The following ATL1 variants were observed in gnomAD, a reference collection of about 807,000 sequenced individuals.
The protein encoded by ATL1 is atlastin-1.
Under a neutral mutation model 75.5 loss-of-function variants are expected in ATL1, and 31 were observed. That is an observed-to-expected ratio of 0.41 (90% CI 0.31 to 0.55). The LOEUF (loss-of-function observed/expected upper bound fraction) is 0.55. Ranked by LOEUF, ATL1 falls within the 20% of genes least tolerant of loss-of-function variation. The pLI is 0.27. For missense variants in ATL1, 405 were observed against 662.6 expected, an observed-to-expected ratio of 0.61 and a Z score of 4.27; for synonymous variants, 226 against 233.3, an observed-to-expected ratio of 0.97 and a Z score of 0.28.
chr14:50,569,954 C>T (rs963647510), intron 1 of ATL1, among the ~76,000 whole-genome samples: 4 of 152,104 alleles, frequency 2.6e-5, no homozygotes, highest in African/African-American at 9.7e-5. Flanking sequence ...TATGTCACTT[C>T]TCTCTTGTTG....
chr14:50,552,146 A>G (rs1202013829), intron 1 of ATL1, among the ~76,000 whole-genome samples: 28 of 152,210 alleles, frequency 1.8e-4, no homozygotes, highest in Non-Finnish European at 1.3e-4. Flanking sequence ...GACCTGATAA[A>G]TGAGTTCAGT....
chr14:50,551,844 C>T (rs1448268561), intron 1 of ATL1, among the ~76,000 whole-genome samples: 1 of 152,028 alleles, frequency 6.6e-6, no homozygotes, highest in East Asian at 1.9e-4. Flanking sequence ...AAAAAATTGT[C>T]ATAGATGGGA....
At chr14:50,613,704 G>A (rs17122683) in intron 7 of ATL1, among the ~76,000 whole-genome samples, 26,050 of 151,994 alleles carry the variant, frequency 0.17, 2,586 homozygotes, top group African/African-American at 0.27. Context: ...TTTCTGTGTC[G>A]TGCTGGTTCA....
Position 50,628,480 on chromosome 14 carries a change from T to C in ATL1, c.1551+18T>C, listed in dbSNP as rs1312026162. 6.2e-7 allele frequency: 1 copy of C among 1,611,834 alleles called. No individual in the cohort carries two copies. Among genetic ancestry groups the C allele is most frequent in the Admixed American group, 1.7e-5 (1 of 59,762 alleles). On this transcript the variant is annotated intron_variant, in intron 12 of 13. Transcript: ENST00000358385. ...GGGACCAGGTAAGAACACCTTTAAT[T>C]CACAACTAAATTCAGCACACATTTG...
chr14:50,579,069 T>C (rs1316200718), intron 1 of ATL1, among the ~76,000 whole-genome samples: 1 of 152,144 alleles, frequency 6.6e-6, no homozygotes, highest in African/African-American at 2.4e-5. Flanking sequence ...ATGTATGGAG[T>C]CATTTAATAT....
At chr14:50,574,851 A>G (rs1369829473) in intron 1 of ATL1, among the ~76,000 whole-genome samples, 1 of 146,178 alleles carries the variant, frequency 6.8e-6, no homozygotes, top group Non-Finnish European at 1.5e-5. Flanking sequence ...TACGCATGGA[A>G]TTGTTTTATT....
At chr14:50,596,344 T>G (rs887171321) in intron 6 of ATL1, among the ~76,000 whole-genome samples, 2 of 151,858 alleles carry the variant, frequency 1.3e-5, no homozygotes, top group African/African-American at 4.8e-5. Flanking sequence ...ACATATAGCC[T>G]CAAAATATAT....
chr14:50,614,664 T>C (rs2039397915), intron 8 of ATL1, among the ~76,000 whole-genome samples, 153 bp downstream of exon 8: 1 of 152,188 alleles, frequency 6.6e-6, no homozygotes, highest in African/African-American at 2.4e-5. Flanking sequence ...CCTGGGCTGG[T>C]GCTCCTCCTT....
At chr14:50,537,922 G>C (rs1004629952) in intron 1 of ATL1, among the ~76,000 whole-genome samples, 11 of 152,318 alleles carry the variant, frequency 7.2e-5, no homozygotes, top group Non-Finnish European at 1.3e-4. Context: ...ATGTTGGACT[G>C]TGGACTTTTG....
intron 1 of ATL1, among the ~76,000 whole-genome samples, chr14:50,542,814 TAGG>T (rs1409045674): frequency 1.3e-5 from 2 of 152,198 alleles, no homozygotes; most frequent in African/African-American, 2.4e-5. Flanking sequence ...CCCTGAAAGA[TAGG>T]AGGAGAAATT....
At chr14:50,555,588 C>T (rs957421984), upstream of ATL1, among the ~76,000 whole-genome samples, 14 of 152,282 alleles carry the variant, frequency 9.2e-5, no homozygotes, top group African/African-American at 3.4e-4. Context: ...CCAGCCAGTT[C>T]CTTCATATTT....
At chr14:50,535,806 G>A (rs180984928) in intron 1 of ATL1, among the ~76,000 whole-genome samples, 1 of 152,324 alleles carries the variant, frequency 6.6e-6, no homozygotes, top group Non-Finnish European at 1.5e-5. Flanking sequence ...TTACTGATAT[G>A]GTTTGTCTGT....
At chr14:50,552,675 A>G (rs946798417) in intron 1 of ATL1, among the ~76,000 whole-genome samples, 4 of 152,236 alleles carry the variant, frequency 2.6e-5, no homozygotes, top group Admixed American at 1.3e-4. Flanking sequence ...CATGTAGACC[A>G]ATGGAACAGA....
At chr14:50,588,692 T>A (rs1223191163) in intron 2 of ATL1, among the ~76,000 whole-genome samples, 1 of 151,976 alleles carries the variant, frequency 6.6e-6, no homozygotes, top group Non-Finnish European at 1.5e-5. Context: ...ATCAATACCA[T>A]CCTGGCCAAC....
At chr14:50,604,551 G>A (rs1390880652) in intron 6 of ATL1, among the ~76,000 whole-genome samples, 2 of 152,122 alleles carry the variant, frequency 1.3e-5, no homozygotes, top group Admixed American at 6.5e-5. Context: ...AAGATCTGGA[G>A]CAAGTATTAG....
intron 11 of ATL1, among the ~76,000 whole-genome samples, chr14:50,625,585 C>T (rs1237991590): frequency 2.0e-5 from 3 of 152,122 alleles, no homozygotes; most frequent in Non-Finnish European, 4.4e-5. Context: ...TAAGTCGAAC[C>T]CAGTGTTCAT....
intron 2 of ATL1, 30 bp from the exon 3 acceptor site, chr14:50,590,911 T>C (rs1456595919): frequency 6.2e-7 from 1 of 1,609,526 alleles, no homozygotes; most frequent in African/African-American, 1.3e-5. Flanking sequence ...ACATATCAAG[T>C]TCCATATCAT....
At chr14:50,588,127 A>C in intron 2 of ATL1, 49 bp downstream of exon 2, 1 of 1,610,394 alleles carries the variant, frequency 6.2e-7, no homozygotes. Context: ...TGCTTCTGTC[A>C]CTTCATGTTT....
chr14:50,550,921 A>G (rs1374137768), intron 1 of ATL1, among the ~76,000 whole-genome samples: 1 of 152,242 alleles, frequency 6.6e-6, no homozygotes, highest in Non-Finnish European at 1.5e-5. Context: ...AGGTCATAGC[A>G]TTAAATGCTT....
Sources: allele counts gnomAD v4.1 joint callset (sites outside exome capture counted in the v4.1 genomes callset), GRCh38; gene constraint gnomAD v4.1.1; transcripts MANE v1.5; gene names NCBI Gene and HGNC (gene_info 2026-07-23, HGNC 2026-07-21).